NALF1: variants seen among roughly 807,000 people sequenced by gnomAD.
The protein encoded by NALF1 is NALCN channel auxiliary factor 1.
NALF1 carries 3 observed loss-of-function variants against 48.4 expected under a neutral mutation model. That is an observed-to-expected ratio of 0.06 (90% confidence interval 0.03 to 0.16). The LOEUF is 0.16. Among genes scored for constraint, NALF1 ranks in the 10% least tolerant of loss-of-function variants. NALF1 has a pLI of 1.00. For synonymous variants in NALF1, 262 were observed against 245.7 expected (o/e 1.07, Z -0.62); for missense variants, 526 against 571.5 (o/e 0.92, Z 0.81).
intron 1 of NALF1, among the ~76,000 whole-genome samples, chr13:107,710,206 A>C (rs1185459269): frequency 6.6e-6 from 1 of 152,152 alleles, no homozygotes; most frequent in African/African-American, 2.4e-5. Flanking sequence ...AGGAAAAGAA[A>C]AAAGAAGCAC....
At chr13:107,640,133 C>T (rs1880109721) in intron 1 of NALF1, among the ~76,000 whole-genome samples, 1 of 151,860 alleles carries the variant, frequency 6.6e-6, no homozygotes, top group Admixed American at 6.6e-5. Context: ...AAAAGGAAAT[C>T]ATTTAAAATT....
intron 2 of NALF1, among the ~76,000 whole-genome samples, chr13:107,190,489 A>T (rs1485305811): frequency 6.6e-6 from 1 of 152,230 alleles, no homozygotes; most frequent in East Asian, 1.9e-4. Context: ...CTATTTTCCC[A>T]ATTTGATCTG....
intron 1 of NALF1, among the ~76,000 whole-genome samples, chr13:107,219,536 A>G (rs557624430): frequency 6.6e-6 from 1 of 152,332 alleles, no homozygotes; most frequent in African/African-American, 2.4e-5. Flanking sequence ...AAGGGATAAT[A>G]TATTCACCAA....
In NALF1 at chr13:107,530,888, C is replaced by T. The variant is rs528054312; in HGVS notation, c.916-320133G>A. 1.7e-3 allele frequency among the ~76,000 whole-genome samples: 251 copies of T among 152,042 alleles called. 1 individual carries two copies. The highest frequency in any genetic ancestry group is 5.7e-3 in the African/African-American group (238 of 41,478). On this transcript the variant is annotated intron_variant, in intron 1 of 2. Transcript: ENST00000375915. ...AATAATATGAAAACCAGCAGGATTG[C>T]CTGAAATGTGAAAAGAACACTGACG...
intron 1 of NALF1, among the ~76,000 whole-genome samples, chr13:107,673,963 C>T (rs1881053681): frequency 1.3e-5 from 2 of 152,234 alleles, no homozygotes; most frequent in Non-Finnish European, 2.9e-5. Flanking sequence ...GGGCCGGCTC[C>T]ACATGAGCTG....
chr13:107,393,978 C>T (rs1462404363), intron 1 of NALF1, among the ~76,000 whole-genome samples: 1 of 152,032 alleles, frequency 6.6e-6, no homozygotes. Flanking sequence ...CTATATAATA[C>T]CTGTAGAGAT....
At chr13:107,736,209 ACACACACACACACACGCG>A (rs1396207759) in intron 1 of NALF1, among the ~76,000 whole-genome samples, 1 of 5,674 alleles carries the variant, frequency 1.8e-4, no homozygotes, top group African/African-American at 2.0e-4. Flanking sequence ...ACACACACAC[ACACACACACACACACGCG>A]CGCGTGTACC....
intron 1 of NALF1, among the ~76,000 whole-genome samples, chr13:107,817,912 T>TCCAC (rs1879218410): frequency 6.6e-6 from 1 of 152,124 alleles, no homozygotes; most frequent in Admixed American, 6.5e-5. Context: ...CATCCATCCA[T>TCCAC]CCACCTGAAA....
intron 1 of NALF1, among the ~76,000 whole-genome samples, chr13:107,486,834 T>C (rs1278899611): frequency 6.6e-6 from 1 of 152,184 alleles, no homozygotes; most frequent in African/African-American, 2.4e-5. Flanking sequence ...TTTTTTAACA[T>C]GATTCATGGA....
At chr13:107,371,990 C>T (rs868574258) in intron 1 of NALF1, among the ~76,000 whole-genome samples, 2 of 152,178 alleles carry the variant, frequency 1.3e-5, no homozygotes, top group Non-Finnish European at 2.9e-5. Flanking sequence ...ATCTCTCCCA[C>T]CCCGAAGAGG....
At chr13:107,364,626 A>G (rs904541962) in intron 1 of NALF1, among the ~76,000 whole-genome samples, 44 of 152,186 alleles carry the variant, frequency 2.9e-4, no homozygotes, top group African/African-American at 1.0e-3. Flanking sequence ...CCAATACACC[A>G]TGTGTTATAG....
chr13:107,399,493 G>A (rs550139011), intron 1 of NALF1, among the ~76,000 whole-genome samples: 33 of 152,042 alleles, frequency 2.2e-4, no homozygotes, highest in African/African-American at 7.7e-4. Flanking sequence ...AATCAATCCA[G>A]TTAATGAAAG....
intron 1 of NALF1, among the ~76,000 whole-genome samples, chr13:107,556,999 C>T (rs1401174523): frequency 6.6e-6 from 1 of 152,118 alleles, no homozygotes; most frequent in Non-Finnish European, 1.5e-5. Flanking sequence ...ATTTTTCAAC[C>T]TCTGAAATAT....
At chr13:107,833,044 G>A (rs1223511103) in intron 1 of NALF1, among the ~76,000 whole-genome samples, 2 of 152,074 alleles carry the variant, frequency 1.3e-5, no homozygotes, top group African/African-American at 2.4e-5. Flanking sequence ...GGCCTCTCTG[G>A]TGCTCCACGC....
chr13:107,177,368 T>C (rs1878960665), intron 2 of NALF1, among the ~76,000 whole-genome samples: 1 of 152,176 alleles, frequency 6.6e-6, no homozygotes, highest in African/African-American at 2.4e-5. Context: ...ATACCAATAA[T>C]GTTCTTCACA....
chr13:107,688,362 A>C (rs546297952), intron 1 of NALF1, among the ~76,000 whole-genome samples: 1 of 152,314 alleles, frequency 6.6e-6, no homozygotes, highest in African/African-American at 2.4e-5. Context: ...TTTTACACGG[A>C]CATATGGTAG....
intron 2 of NALF1, among the ~76,000 whole-genome samples, chr13:107,194,887 C>T (rs1879358952): frequency 6.6e-6 from 1 of 152,024 alleles, no homozygotes; most frequent in South Asian, 2.1e-4. Flanking sequence ...ATAAAAAATC[C>T]CATCACAAAG....
At chr13:107,513,050 A>G (rs535242616) in intron 1 of NALF1, among the ~76,000 whole-genome samples, 62 of 152,342 alleles carry the variant, frequency 4.1e-4, no homozygotes, top group African/African-American at 1.4e-3. Context: ...CTTCAAGCCA[A>G]TATGTCTTCC....
intron 1 of NALF1, among the ~76,000 whole-genome samples, chr13:107,281,996 T>C (rs191170128): frequency 1.3e-5 from 2 of 152,328 alleles, no homozygotes; most frequent in East Asian, 3.9e-4. Context: ...GATGAGATTT[T>C]GGATGGGGAC....
Sources: allele counts gnomAD v4.1 joint callset (sites outside exome capture counted in the v4.1 genomes callset), GRCh38; gene constraint gnomAD v4.1.1; transcripts MANE v1.5; gene names NCBI Gene and HGNC (gene_info 2026-07-23, HGNC 2026-07-21).